Variants in EPHA6 observed in about 807,000 individuals in gnomAD.
EPHA6 encodes ephrin type-A receptor 6.
EPHA6 carries 50 observed loss-of-function variants against 112.0 expected under a neutral mutation model. That is an observed-to-expected ratio of 0.45 (90% CI 0.36 to 0.56). The LOEUF (loss-of-function observed/expected upper bound fraction) is 0.56. Ranked by LOEUF, EPHA6 falls within the 20% of genes least tolerant of loss-of-function variation. The pLI, the probability that EPHA6 is intolerant of heterozygous loss-of-function variation, is 0.00. For synonymous variants in EPHA6, 529 were observed against 490.7 expected (o/e 1.08, Z -1.03); for missense variants, 1,280 against 1,417.4 (o/e 0.90, Z 1.56).
intron 3 of EPHA6, among the ~76,000 whole-genome samples, chr3:97,105,089 T>A (rs1319558134): frequency 2.6e-5 from 4 of 151,840 alleles, no homozygotes; most frequent in South Asian, 2.1e-4. Context: ...AAAAAAAAAC[T>A]CCTCGATTTC....
chr3:97,723,049 T>C (rs1419637251), intron 15 of EPHA6, among the ~76,000 whole-genome samples: 1 of 152,212 alleles, frequency 6.6e-6, no homozygotes, highest in Non-Finnish European at 1.5e-5. Context: ...TATGATTTTA[T>C]AATCTCTGAA....
intron 3 of EPHA6, among the ~76,000 whole-genome samples, chr3:97,076,822 A>G (rs1017170573): frequency 1.3e-5 from 2 of 152,020 alleles, no homozygotes; most frequent in Non-Finnish European, 2.9e-5. Context: ...TGGTAAATCT[A>G]CTCTGCCTGT....
intron 7 of EPHA6, among the ~76,000 whole-genome samples, chr3:97,465,062 C>T (rs905404296): frequency 9.2e-5 from 14 of 151,960 alleles, no homozygotes; most frequent in African/African-American, 3.4e-4. Flanking sequence ...AAAATCAGTG[C>T]CATATTGTGA....
At chr3:97,689,838 A>G (rs1321969168) in intron 14 of EPHA6, among the ~76,000 whole-genome samples, 5 of 151,966 alleles carry the variant, frequency 3.3e-5, no homozygotes, top group Admixed American at 3.3e-4. Flanking sequence ...GGCAACTACA[A>G]ATCTTTCTGT....
intron 2 of EPHA6, among the ~76,000 whole-genome samples, chr3:96,880,323 A>C (rs776028407): frequency 4.6e-5 from 7 of 152,206 alleles, no homozygotes; most frequent in Non-Finnish European, 7.3e-5. Flanking sequence ...CAAATACTTA[A>C]AGTATCACAA....
intron 3 of EPHA6, among the ~76,000 whole-genome samples, chr3:97,163,722 T>C (rs907820135): frequency 1.3e-5 from 2 of 152,132 alleles, no homozygotes; most frequent in Admixed American, 1.3e-4. Flanking sequence ...GAGAGGCAGC[T>C]TTCATGCCAG....
At chr3:96,837,320 G>A (rs1463775702) in intron 1 of EPHA6, among the ~76,000 whole-genome samples, 3 of 152,134 alleles carry the variant, frequency 2.0e-5, no homozygotes, top group African/African-American at 7.2e-5. Flanking sequence ...GGGAGATGAG[G>A]AAGTGTGGTG....
intron 5 of EPHA6, among the ~76,000 whole-genome samples, chr3:97,336,932 C>G (rs962787039): frequency 6.6e-6 from 1 of 151,026 alleles, no homozygotes; most frequent in Non-Finnish European, 1.5e-5. Context: ...ATCTGGGATG[C>G]CGCTAAGTTG....
chr3:97,328,181 T>C (rs2082579021), intron 5 of EPHA6, among the ~76,000 whole-genome samples: 1 of 151,456 alleles, frequency 6.6e-6, no homozygotes, highest in Non-Finnish European at 1.5e-5. Flanking sequence ...CAGGTTTTTG[T>C]GTGAACATAA....
intron 3 of EPHA6, among the ~76,000 whole-genome samples, chr3:97,023,700 T>C (rs1037763733): frequency 1.3e-5 from 2 of 152,064 alleles, no homozygotes; most frequent in African/African-American, 4.8e-5. Context: ...CTTTTAAAAC[T>C]ATTTCCTATT....
At chr3:97,073,803 T>C (rs1177981834) in intron 3 of EPHA6, among the ~76,000 whole-genome samples, 1 of 152,070 alleles carries the variant, frequency 6.6e-6, no homozygotes, top group East Asian at 1.9e-4. Context: ...TTATATTAAG[T>C]GTATTAGTCT....
intron 3 of EPHA6, among the ~76,000 whole-genome samples, chr3:97,049,120 T>C (rs757657587): frequency 6.6e-6 from 1 of 152,170 alleles, no homozygotes; most frequent in Non-Finnish European, 1.5e-5. Context: ...GGCGACAAGG[T>C]CAGAGAGGTA....
intron 1 of EPHA6, among the ~76,000 whole-genome samples, chr3:96,818,361 A>G (rs904687669): frequency 6.6e-6 from 1 of 151,998 alleles, no homozygotes; most frequent in Non-Finnish European, 1.5e-5. Context: ...AATCAATTGC[A>G]TACTCAAATA....
chr3:97,541,727 G>GTTTTT (rs59024112), intron 11 of EPHA6, among the ~76,000 whole-genome samples: 2 of 131,920 alleles, frequency 1.5e-5, no homozygotes, highest in Non-Finnish European at 3.4e-5. Flanking sequence ...TCTTTTTTTT[G>GTTTTT]TTTTTTTTTT....
At chr3:96,941,669 G>A (rs1576115110) in intron 2 of EPHA6, among the ~76,000 whole-genome samples, 1 of 151,920 alleles carries the variant, frequency 6.6e-6, no homozygotes, top group Non-Finnish European at 1.5e-5. Flanking sequence ...AGGAGGAGAG[G>A]TGCTCTGCTT....
At chr3:96,923,209 T>A (rs2039863739) in intron 2 of EPHA6, among the ~76,000 whole-genome samples, 1 of 152,186 alleles carries the variant, frequency 6.6e-6, no homozygotes, top group Admixed American at 6.5e-5. Flanking sequence ...CTTTGAGGAA[T>A]TGCTACACTG....
chr3:97,587,848 G>A (rs950005063), intron 11 of EPHA6, among the ~76,000 whole-genome samples: 1 of 152,098 alleles, frequency 6.6e-6, no homozygotes, highest in Admixed American at 6.6e-5. Context: ...TGGTCTTCTA[G>A]GATCACTGTG....
Position 96,987,932 on chromosome 3 carries a change from G to C in EPHA6, c.1053G>C (p.Leu351=). The change falls in exon 3 of 18, where the codon CTG becomes CTC. Residue 351 remains leucine (L), a synonymous_variant. Coordinates refer to ENST00000389672, the MANE Select transcript of EPHA6 (RefSeq NM_001080448.3). The part of the protein sequence containing the change: ...KLYCGADGDW[L]VPLGRCICST... Reference sequence around the variant, plus strand: ...ATTGTGGAGCTGATGGAGATTGGCTGGTTCCTCTTGGAAGGTGCATCTGCA... The same window carrying C: ...ATTGTGGAGCTGATGGAGATTGGCTCGTTCCTCTTGGAAGGTGCATCTGCA... The C allele has an allele frequency of 6.2e-7, 1 of 1,613,626 alleles. No individual in the cohort carries two copies. Among genetic ancestry groups the C allele is most frequent in the Non-Finnish European group, 8.5e-7 (1 of 1,179,688 alleles).
chr3:96,826,613 C>T (rs1302891851), intron 1 of EPHA6, among the ~76,000 whole-genome samples: 1 of 151,978 alleles, frequency 6.6e-6, no homozygotes, highest in African/African-American at 2.4e-5. Context: ...GGCTATTTTC[C>T]ATGTCTTTCT....
Sources: allele counts gnomAD v4.1 joint callset (sites outside exome capture counted in the v4.1 genomes callset), GRCh38; gene constraint gnomAD v4.1.1; transcripts MANE v1.5; gene names NCBI Gene and HGNC (gene_info 2026-07-23, HGNC 2026-07-21).